The following TMC2 variants were observed in gnomAD, a reference collection of about 807,000 sequenced individuals.
The protein encoded by TMC2 is transmembrane channel-like protein 2.
In TMC2, 102 loss-of-function variants were observed where a neutral mutation model predicts 105.9. That is an observed-to-expected ratio of 0.96 (90% confidence interval 0.82 to 1.14). TMC2 has a LOEUF of 1.14. Among genes scored for constraint, TMC2 ranks in the 50% most tolerant of loss-of-function variants. The pLI, the probability that TMC2 is intolerant of heterozygous loss-of-function variation, is 0.00. For synonymous variants in TMC2, 402 were observed against 422.8 expected (o/e 0.95, Z 0.60); for missense variants, 1,093 against 1,134.3 (o/e 0.96, Z 0.52).
intron 14 of TMC2, chr20:2,613,721 A>C: frequency 3.4e-6 from 1 of 297,496 alleles, no homozygotes. Context: ...GAACACAATA[A>C]CCATTGGTCC....
intron 10 of TMC2, among the ~76,000 whole-genome samples, chr20:2,600,639 A>G (rs1237599994): frequency 6.6e-6 from 1 of 152,100 alleles, no homozygotes; most frequent in Non-Finnish European, 1.5e-5. Context: ...TGGCTAATAC[A>G]GTGAAACCCT....
intron 2 of TMC2, among the ~76,000 whole-genome samples, chr20:2,554,788 C>T (rs1406921620): frequency 6.8e-6 from 1 of 147,218 alleles, no homozygotes; most frequent in Non-Finnish European, 1.5e-5. Context: ...CCATTATGAT[C>T]TGAGAGAGTA....
At chr20:2,613,800 A>T (rs925302753) in intron 14 of TMC2, 1 of 233,496 alleles carries the variant, frequency 4.3e-6, no homozygotes, top group Non-Finnish European at 8.5e-6. Flanking sequence ...TTCCCCACCT[A>T]CCTGGTAAAT....
At chr20:2,612,789 T>C (rs912182450) in intron 13 of TMC2, among the ~76,000 whole-genome samples, 1 of 152,126 alleles carries the variant, frequency 6.6e-6, no homozygotes, top group Non-Finnish European at 1.5e-5. Flanking sequence ...CATTTGGTCT[T>C]AGTGGGGGCA....
chr20:2,605,353 A>G (rs1291576453), intron 11 of TMC2, among the ~76,000 whole-genome samples: 2 of 152,166 alleles, frequency 1.3e-5, no homozygotes, highest in African/African-American at 4.8e-5. Flanking sequence ...GTATTTGCTC[A>G]CCGTTCTGGA....
At chr20:2,539,211 T>C (rs147778990) in intron 2 of TMC2, among the ~76,000 whole-genome samples, 1 of 152,310 alleles carries the variant, frequency 6.6e-6, no homozygotes, top group East Asian at 1.9e-4. Context: ...CCTTTCCAGT[T>C]CCTAAATTAT....
At chr20:2,586,852 A>T (rs1335300516) in intron 7 of TMC2, among the ~76,000 whole-genome samples, 5 of 152,020 alleles carry the variant, frequency 3.3e-5, no homozygotes, top group Non-Finnish European at 7.3e-5. Flanking sequence ...TTTTAGTTGC[A>T]TGCCATATAC....
At chr20:2,555,761 C>T (rs2085981465) in intron 2 of TMC2, among the ~76,000 whole-genome samples, 2 of 152,308 alleles carry the variant, frequency 1.3e-5, no homozygotes, top group Admixed American at 6.5e-5. Flanking sequence ...TTTGATTGAG[C>T]ATTTAATATG....
intron 3 of TMC2, among the ~76,000 whole-genome samples, chr20:2,560,275 A>G (rs1019883241): frequency 1.3e-5 from 2 of 152,152 alleles, no homozygotes; most frequent in Admixed American, 1.3e-4. Context: ...GCAAAAAAAA[A>G]AAAAATATCT....
chr20:2,635,957 A>G lies in TMC2; in HGVS notation c.2338A>G (p.Lys780Glu), dbSNP rs1389045456. ...CATTTACTACCTGAACTCAGTTTCC[A>G]AAAGCCTTTCCCGAGCTAATGCCCA... ...LAIYYLNSVS[K>E]SLSRANAQLR... Residue 780 changes from lysine to glutamate, a missense_variant, in exon 18 of 20, where the codon AAA becomes GAA. Transcript: ENST00000358864. The G allele has an allele frequency of 4.8e-5, 78 of 1,614,154 alleles. No homozygotes were observed. The highest frequency in any genetic ancestry group is 6.6e-5 in the Non-Finnish European group (78 of 1,179,986).
intron 16 of TMC2, among the ~76,000 whole-genome samples, chr20:2,619,210 G>A (rs1449607297): frequency 6.6e-6 from 1 of 152,142 alleles, no homozygotes; most frequent in African/African-American, 2.4e-5. Flanking sequence ...ACAGTCAGAT[G>A]CATGGTCACA....
intron 7 of TMC2, among the ~76,000 whole-genome samples, chr20:2,581,571 T>C (rs1179339495): frequency 6.6e-6 from 1 of 152,228 alleles, no homozygotes; most frequent in South Asian, 2.1e-4. Context: ...CATAGTCAGG[T>C]AAATATGAAA....
At chr20:2,542,399 CT>C (rs2085895793) in intron 2 of TMC2, among the ~76,000 whole-genome samples, 2 of 152,162 alleles carry the variant, frequency 1.3e-5, no homozygotes, top group Non-Finnish European at 2.9e-5. Flanking sequence ...AGGTAAGAGT[CT>C]TCTCAGGTGC....
At chr20:2,573,187 C>G (rs1485944594) in intron 5 of TMC2, among the ~76,000 whole-genome samples, 1 of 152,154 alleles carries the variant, frequency 6.6e-6, no homozygotes, top group Non-Finnish European at 1.5e-5. Flanking sequence ...TTTCTACATG[C>G]ATTTTTAAAA....
intron 13 of TMC2, 76 bp downstream of exon 13, chr20:2,612,416 G>A: frequency 7.4e-7 from 1 of 1,357,360 alleles, no homozygotes; most frequent in Non-Finnish European, 9.7e-7. Flanking sequence ...GTTTCCATTT[G>A]AGGAATAACC....
In TMC2 at chr20:2,541,576, G is replaced by A. The variant is rs59943603; in HGVS notation, c.82+4260G>A. On this transcript the variant is annotated intron_variant, in intron 2 of 19. Coordinates refer to ENST00000358864, the MANE Select transcript of TMC2 (RefSeq NM_080751.3). ...GAATCTCTTGAATCTGGGAGGTTGA[G>A]GTTGCAGTGAGCCCAGATTGCACCA... Among the ~76,000 whole-genome samples the A allele has an allele frequency of 7.4e-4, 113 of 151,766 alleles. 1 individual carries two copies. Among genetic ancestry groups the A allele is most frequent in the African/African-American group, 2.5e-3 (103 of 41,358 alleles).
chr20:2,553,821 GTTC>G (rs1365609281), intron 2 of TMC2, among the ~76,000 whole-genome samples: 1 of 152,160 alleles, frequency 6.6e-6, no homozygotes, highest in Admixed American at 6.6e-5. Context: ...AATTTGTCGA[GTTC>G]TTCTGGGCCA....
chr20:2,632,796 G>A (rs1353535790), intron 17 of TMC2, among the ~76,000 whole-genome samples: 3 of 152,044 alleles, frequency 2.0e-5, no homozygotes, highest in Non-Finnish European at 2.9e-5. Flanking sequence ...TCCCCATGTT[G>A]GCCAGGCTGG....
At chr20:2,637,647 G>A in intron 19 of TMC2, 56 bp downstream of exon 19, 1 of 1,234,510 alleles carries the variant, frequency 8.1e-7, no homozygotes, top group South Asian at 1.2e-5. Context: ...AAGGTGTAAA[G>A]AGCCTATGAA....
Sources: allele counts gnomAD v4.1 joint callset (sites outside exome capture counted in the v4.1 genomes callset), GRCh38; gene constraint gnomAD v4.1.1; transcripts MANE v1.5; gene names NCBI Gene and HGNC (gene_info 2026-07-23, HGNC 2026-07-21).